Variants in DOK1 observed in about 807,000 individuals in gnomAD.
The protein encoded by DOK1 is Downstream of tyrosine kinase 1.
In DOK1, 12 loss-of-function variants were observed where a neutral mutation model predicts 24.0. The ratio of observed to expected loss-of-function variants is 0.50; its 90% CI spans 0.32 to 0.81. The LOEUF is 0.81. Among genes scored for constraint, DOK1 ranks in the 30% least tolerant of loss-of-function variants. DOK1 has a pLI of 0.03. For synonymous variants in DOK1, 250 were observed against 260.9 expected, an observed-to-expected ratio of 0.96 and a Z score of 0.40; for missense variants, 591 against 620.7, an observed-to-expected ratio of 0.95 and a Z score of 0.51.
upstream of DOK1, among the ~76,000 whole-genome samples, chr2:74,553,626 G>A (rs533714397): frequency 7.2e-4 from 110 of 152,304 alleles, no homozygotes; most frequent in African/African-American, 2.5e-3. Flanking sequence ...TGGGGACCCA[G>A]GGGCAGCGCC....
chr2:74,551,356 G>A (rs552654500), upstream of DOK1, among the ~76,000 whole-genome samples: 1 of 152,310 alleles, frequency 6.6e-6, no homozygotes, highest in African/African-American at 2.4e-5. Flanking sequence ...CAGTTGTTGC[G>A]GAGACACCTA....
chr2:74,552,368 TGTGAAGCCCAGCTCCC>T (rs1306349031), upstream of DOK1: 1 of 1,611,534 alleles, frequency 6.2e-7, no homozygotes, highest in East Asian at 2.2e-5. Context: ...CTGTGGCCTC[TGTGAAGCCCAGCTCCC>T]GGCAGAGGAT....
At chr2:74,552,909 G>A, upstream of DOK1, 1 of 423,400 alleles carries the variant, frequency 2.4e-6, no homozygotes, top group Non-Finnish European at 4.2e-6. Flanking sequence ...GTCAGAGAAG[G>A]GTCAATAAAA....
chr2:74,555,627 T>G lies in DOK1; in HGVS notation c.413T>G (p.Leu138Arg). ...PTDNPPKLSA[L>R]EMLENSLYSP... ...GATAACCCACCTAAGCTTTCTGCCC[T>G]GGAGATGCTGGAGAACTCCTTGTAC... Residue 138 changes from leucine to arginine, a missense_variant, in exon 3 of 5, where the codon CTG becomes CGG. Transcript: ENST00000233668. The surrounding 1 kb of genome is among the most constrained non-coding windows in gnomAD (Gnocchi z 6.1). 1 of 1,614,130 alleles carries G rather than the reference T, an allele frequency of 6.2e-7. No homozygotes were observed. The highest frequency in any genetic ancestry group is 1.1e-5 in the South Asian group (1 of 91,074).
chr2:74,552,885 A>G (rs1388671592), upstream of DOK1: 9 of 481,826 alleles, frequency 1.9e-5, no homozygotes, highest in Non-Finnish European at 2.9e-5. Flanking sequence ...AGAGACAACT[A>G]TGAGAGATCG....
chr2:74,553,038 G>A (rs1677124711), upstream of DOK1: 1 of 194,524 alleles, frequency 5.1e-6, no homozygotes, highest in Non-Finnish European at 1.0e-5. Context: ...ACAGAGGAGA[G>A]AGACAACGGA....
chr2:74,556,261 T>A lies in DOK1; in HGVS notation c.640-47T>A. The A allele has an allele frequency of 6.3e-7, 1 of 1,582,120 alleles. No individual in the cohort carries two copies. Among genetic ancestry groups the A allele is most frequent in the Non-Finnish European group, 8.6e-7 (1 of 1,161,512 alleles). ...AACTAGTGCAGGCGTGTGACTCACTTCCTCTGATGGCTCCTGGTAATGTGT... is the reference window on the plus strand; with the variant it reads ...AACTAGTGCAGGCGTGTGACTCACTACCTCTGATGGCTCCTGGTAATGTGT... On this transcript the variant is annotated intron_variant, in intron 4 of 4. Coordinates refer to ENST00000233668, the MANE Select transcript of DOK1 (RefSeq NM_001381.5). The surrounding 1 kb of genome is among the most constrained non-coding windows in gnomAD (Gnocchi z 4.1).
chr2:74,555,742 A>G lies in DOK1; in HGVS notation c.454+74A>G. ...CCGAGGGCCTTTGGGAAGTGGGTGG[A>G]TACCCAGGGGCCCATGGGGAAGTAA... On this transcript the variant is annotated intron_variant, in intron 3 of 4. Coordinates refer to ENST00000233668, the MANE Select transcript of DOK1 (RefSeq NM_001381.5). This position sits in a 1 kb window ranked among gnomAD's most constrained non-coding sequence, Gnocchi z 6.1. 1 of 1,605,918 alleles carries G rather than the reference A, an allele frequency of 6.2e-7. No individual in the cohort carries two copies. Among genetic ancestry groups the G allele is most frequent in the South Asian group, 1.1e-5 (1 of 90,284 alleles).
rs1201401858 is a variant in DOK1, at chr2:74,556,639, C to G, written c.971C>G (p.Ala324Gly). 1 of 1,614,264 alleles carries G rather than the reference C, an allele frequency of 6.2e-7. No individual in the cohort carries two copies. The stretch of plus-strand genomic sequence containing the variant: ...TCAGACCCCTTGGACAGCACGTCTG[C>G]TCAGGCAGGAGAGGGAGTACAACGG... ...LYSDPLDSTS[A>G]QAGEGVQRKK... Residue 324 changes from alanine (A) to glycine (G), a missense_variant, in exon 5 of 5, where the codon GCT (alanine) becomes GGT (glycine). By Grantham distance (60) the Ala-to-Gly change is moderately conservative. Transcript: ENST00000233668. The surrounding 1 kb of genome is among the most constrained non-coding windows in gnomAD (Gnocchi z 4.1).
At position 74,556,950 on chromosome 2, in the gene DOK1, C is replaced by G. The variant is rs552644835; in HGVS notation, c.1282C>G (p.Pro428Ala). 2 of 1,614,132 alleles carry G rather than the reference C, an allele frequency of 1.2e-6. No homozygotes were observed. The highest frequency in any genetic ancestry group is 1.3e-5 in the African/African-American group (1 of 75,058). The change falls in exon 5 of 5, where the codon CCA (proline) becomes GCA (alanine). Residue 428 changes from proline (P) to alanine (A), a missense_variant. Coordinates refer to ENST00000233668, the MANE Select transcript of DOK1 (RefSeq NM_001381.5). This position sits in a 1 kb window ranked among gnomAD's most constrained non-coding sequence, Gnocchi z 4.1. ...CCTCCTTGCTCCCAAGCCCCAGGGC[C>G]CAGCCTTCCCTGAACCTGGTACTGC... ...KPLLAPKPQG[P>A]AFPEPGTATG... is the part of the protein sequence containing the mutation.
Position 74,555,913 on chromosome 2 carries a change from G to C in DOK1, c.474G>C (p.Thr158=). Residue 158 remains threonine, a synonymous_variant, in exon 4 of 5, where the codon ACG becomes ACC. Coordinates refer to ENST00000233668, the MANE Select transcript of DOK1 (RefSeq NM_001381.5). The surrounding 1 kb of genome is among the most constrained non-coding windows in gnomAD (Gnocchi z 6.1). ...PTWEGSQFWV[T]VQRTEAAERC... is the part of the protein sequence containing the mutation. ...TTCCAGGATCCCAATTCTGGGTAAC[G>C]GTGCAGAGGACTGAGGCCGCCGAGC... is the stretch of plus-strand genomic sequence containing the variant. 6.2e-7 allele frequency: 1 copy of C among 1,606,942 alleles called. No homozygotes were observed. The highest frequency in any genetic ancestry group is 1.1e-5 in the South Asian group (1 of 90,444).
At chr2:74,554,208 G>C (rs1183944545), upstream of DOK1, 1 of 155,838 alleles carries the variant, frequency 6.4e-6, no homozygotes, top group East Asian at 1.9e-4. This position sits in a 1 kb window ranked among gnomAD's most constrained non-coding sequence, Gnocchi z 4.9. Context: ...TCTGCGGTCA[G>C]GGAGCTGACA....
Position 74,556,068 on chromosome 2 carries a change from G to A in DOK1, c.629G>A (p.Gly210Asp). The change falls in exon 4 of 5, where the codon GGC (glycine) becomes GAC (aspartate). Residue 210 changes from glycine to aspartate, a missense_variant. Transcript: ENST00000233668. This position sits in a 1 kb window ranked among gnomAD's most constrained non-coding sequence, Gnocchi z 4.1. ...CCCTACACTCTGTTGCGTCGCTATG[G>A]CCGGGACAAGGTGCAGGGGCTGTCC... Reference protein sequence around the residue: ...SWPYTLLRRYGRDKVMFSFEA... With the variant: ...SWPYTLLRRYDRDKVMFSFEA... 1 of 1,594,518 alleles carries A rather than the reference G, an allele frequency of 6.3e-7. No individual in the cohort carries two copies. Among genetic ancestry groups the A allele is most frequent in the Non-Finnish European group, 8.6e-7 (1 of 1,168,676 alleles).
At position 74,549,641 on chromosome 2, in the gene DOK1, C is replaced by A; in HGVS notation, c.-358+469C>A. On this transcript the variant is annotated intron_variant, in intron 1 of 4. Transcript: ENST00000409429. This position sits in a 1 kb window ranked among gnomAD's most constrained non-coding sequence, Gnocchi z 5.3. ...CCAGTGGCACCTTTCATGTGTCCCGCCGCCCTTAAGGAACCCTGCTTGGTG... is the reference window on the plus strand; with the variant it reads ...CCAGTGGCACCTTTCATGTGTCCCGACGCCCTTAAGGAACCCTGCTTGGTG... 6.5e-7 allele frequency: 1 copy of A among 1,539,290 alleles called. No homozygotes were observed. Among genetic ancestry groups the A allele is most frequent in the South Asian group, 1.2e-5 (1 of 81,814 alleles).
In DOK1 at chr2:74,555,691, C is replaced by A; in HGVS notation, c.454+23C>A. The stretch of plus-strand genomic sequence containing the variant: ...AAGGTAGACGCCTCAGAAGCCCGGG[C>A]AGGGATGGAGTGAAGAGGAGGAGGG... On this transcript the variant is annotated intron_variant, in intron 3 of 4. Transcript: ENST00000233668. The surrounding 1 kb of genome is among the most constrained non-coding windows in gnomAD (Gnocchi z 6.1). 6.2e-7 allele frequency: 1 copy of A among 1,613,390 alleles called. No homozygotes were observed. Among genetic ancestry groups the A allele is most frequent in the Non-Finnish European group, 8.5e-7 (1 of 1,179,816 alleles).
At position 74,555,228 on chromosome 2, in the gene DOK1, T is replaced by C; in HGVS notation, c.135T>C (p.His45=). The C allele has an allele frequency of 6.2e-7, 1 of 1,613,706 alleles. No individual in the cohort carries two copies. The highest frequency in any genetic ancestry group is 1.1e-5 in the South Asian group (1 of 91,078). ...HGVARLEFFD[H]KGSSSGGGRG... is the part of the protein sequence containing the mutation. ...TAGCGCGGCTCGAGTTCTTTGACCATAAGGGGTCGAGCTCTGGGGGTGGCC... is the reference window on the plus strand; with the variant it reads ...TAGCGCGGCTCGAGTTCTTTGACCACAAGGGGTCGAGCTCTGGGGGTGGCC... Residue 45 remains histidine, a synonymous_variant, in exon 2 of 5, where the codon CAT becomes CAC. Transcript: ENST00000233668. This position sits in a 1 kb window ranked among gnomAD's most constrained non-coding sequence, Gnocchi z 6.1.
upstream of DOK1, chr2:74,552,670 T>C: frequency 6.7e-7 from 1 of 1,487,132 alleles, no homozygotes; most frequent in Non-Finnish European, 9.0e-7. Flanking sequence ...AGACAAAGTG[T>C]GCGTGAGAGA....
upstream of DOK1, among the ~76,000 whole-genome samples, chr2:74,550,749 T>C (rs1448339642): frequency 6.6e-6 from 1 of 152,126 alleles, no homozygotes; most frequent in Non-Finnish European, 1.5e-5. Flanking sequence ...ATAAAGAAAC[T>C]GGGGTTTAGA....
At chr2:74,554,524 A>G (rs990910302), upstream of DOK1, 3 of 569,268 alleles carry the variant, frequency 5.3e-6, no homozygotes, top group African/African-American at 2.0e-5. This position sits in a 1 kb window ranked among gnomAD's most constrained non-coding sequence, Gnocchi z 4.9. Context: ...CGGTGGAGCC[A>G]CTGGCGCGCC....
Sources: allele counts gnomAD v4.1 joint callset (sites outside exome capture counted in the v4.1 genomes callset), GRCh38; gene constraint gnomAD v4.1.1; non-coding constraint Gnocchi (gnomAD v3.1); transcripts MANE v1.5; gene names NCBI Gene and HGNC (gene_info 2026-07-23, HGNC 2026-07-21).